GPC5: variants seen among roughly 807,000 people sequenced by gnomAD.
GPC5 encodes glypican 5, also known as glypican-5.
GPC5 carries 47 observed loss-of-function variants against 53.9 expected under a neutral mutation model. That is an observed-to-expected ratio of 0.87 (90% CI 0.69 to 1.11). GPC5 has a LOEUF of 1.11. Ranked by LOEUF, GPC5 falls within the 50% of genes most tolerant of loss-of-function variation. The probability of loss-of-function intolerance (pLI) is 0.00; values close to 1 mark genes in which losing one functional copy is unlikely to be tolerated. For missense variants in GPC5, 748 were observed against 713.1 expected (o/e 1.05, Z -0.56); for synonymous variants, 286 against 263.3 (o/e 1.09, Z -0.84).
intron 7 of GPC5, among the ~76,000 whole-genome samples, chr13:92,646,265 C>T (rs778089758): frequency 2.2e-4 from 33 of 152,062 alleles, no homozygotes; most frequent in Non-Finnish European, 4.9e-4. Context: ...ACTCAAGCAT[C>T]GTTTGTAAAA....
At chr13:91,987,752 A>T (rs1011066967) in intron 6 of GPC5, among the ~76,000 whole-genome samples, 18 of 145,304 alleles carry the variant, frequency 1.2e-4, no homozygotes, top group Non-Finnish European at 2.4e-4. Context: ...TATAGTATTT[A>T]TATTATATTA....
chr13:92,315,610 T>C lies in GPC5; in HGVS notation c.1561+170621T>C, dbSNP rs552394977. On this transcript the variant is annotated intron_variant, in intron 7 of 7. Transcript: ENST00000377067. ...GTCTAGTTTAGTGAAATATGAAAAC[T>C]TAAGGATGAAGGAATAAGGGAAACT... Among the ~76,000 whole-genome samples the C allele has an allele frequency of 2.0e-5, 3 of 152,234 alleles. No individual in the cohort carries two copies. In the South Asian group the frequency reaches 6.2e-4, roughly 32 times the overall value.
In GPC5 at chr13:91,576,265, CA is replaced by C. The variant is rs199891516; in HGVS notation, c.326-116914del. 6.7e-4 allele frequency among the ~76,000 whole-genome samples: 101 copies of C among 149,728 alleles called. 1 individual carries two copies. Among genetic ancestry groups the C allele is most frequent in the African/African-American group, 1.9e-3 (76 of 40,888 alleles). ...GGGTAGATTTTAAGTGTTCTTATCA[CA>C]AAAAAAATGATTAATACATATGTTA... On this transcript the variant is annotated intron_variant, in intron 2 of 7. Coordinates refer to ENST00000377067, the MANE Select transcript of GPC5 (RefSeq NM_004466.6).
chr13:92,537,267 C>G (rs1181566590), intron 7 of GPC5, among the ~76,000 whole-genome samples: 1 of 152,084 alleles, frequency 6.6e-6, no homozygotes, highest in Admixed American at 6.6e-5. Flanking sequence ...GAAAATTTAT[C>G]ATGTCAGAAA....
At chr13:92,242,274 C>T (rs1438833962) in intron 7 of GPC5, among the ~76,000 whole-genome samples, 1 of 151,552 alleles carries the variant, frequency 6.6e-6, no homozygotes, top group Non-Finnish European at 1.5e-5. Context: ...ACCAAGCCCA[C>T]CAAGCCTTCT....
chr13:92,620,840 T>C (rs1884845829), intron 7 of GPC5, among the ~76,000 whole-genome samples: 1 of 152,234 alleles, frequency 6.6e-6, no homozygotes, highest in African/African-American at 2.4e-5. Flanking sequence ...CCCATATCAC[T>C]ATCTTTAAAC....
At chr13:92,408,792 ATAAC>A (rs1363723062) in intron 7 of GPC5, among the ~76,000 whole-genome samples, 2 of 152,168 alleles carry the variant, frequency 1.3e-5, no homozygotes, top group Admixed American at 6.5e-5. Context: ...AAAATAAAGA[ATAAC>A]TAAGGTAGTT....
intron 2 of GPC5, among the ~76,000 whole-genome samples, chr13:91,469,329 G>A (rs971207940): frequency 6.6e-6 from 1 of 152,030 alleles, no homozygotes; most frequent in East Asian, 1.9e-4. Flanking sequence ...GGCTAGTGTC[G>A]AACTTCTGGC....
intron 7 of GPC5, among the ~76,000 whole-genome samples, chr13:92,562,370 G>A (rs1244492813): frequency 2.6e-5 from 4 of 151,972 alleles, no homozygotes; most frequent in Admixed American, 2.6e-4. Flanking sequence ...CAGTCCTTCT[G>A]GTGCCTATTC....
intron 7 of GPC5, among the ~76,000 whole-genome samples, chr13:92,181,081 T>G (rs1385336205): frequency 6.6e-6 from 1 of 152,148 alleles, no homozygotes; most frequent in Non-Finnish European, 1.5e-5. Flanking sequence ...CAAGCCTGCC[T>G]GGTTGTGAGC....
chr13:92,859,448 T>C (rs1879110875), intron 7 of GPC5, among the ~76,000 whole-genome samples: 1 of 152,136 alleles, frequency 6.6e-6, no homozygotes, highest in Admixed American at 6.6e-5. Flanking sequence ...CATTTTTAAA[T>C]TATTTTAATT....
intron 5 of GPC5, among the ~76,000 whole-genome samples, chr13:91,794,908 G>T (rs1451980650): frequency 5.3e-5 from 8 of 152,126 alleles, no homozygotes; most frequent in African/African-American, 1.4e-4. Flanking sequence ...TAATTTAAAG[G>T]TCAGCTACTG....
intron 7 of GPC5, among the ~76,000 whole-genome samples, chr13:92,317,780 C>A (rs2043189468): frequency 6.6e-6 from 1 of 152,160 alleles, no homozygotes; most frequent in Non-Finnish European, 1.5e-5. Context: ...GGATTACAGG[C>A]ATGAGCCACC....
intron 7 of GPC5, among the ~76,000 whole-genome samples, chr13:92,224,747 C>T (rs2042472651): frequency 1.3e-5 from 2 of 152,200 alleles, no homozygotes; most frequent in Admixed American, 1.3e-4. Flanking sequence ...GATAATATTT[C>T]ACACATGTTG....
In GPC5 at chr13:92,850,964, G is replaced by T. The variant is rs12431303; in HGVS notation, c.1562-15318G>T. On this transcript the variant is annotated intron_variant, in intron 7 of 7. Coordinates refer to ENST00000377067, the MANE Select transcript of GPC5 (RefSeq NM_004466.6). ...AATAAAAGAGTTTAAATTGGCTCATGGTTCTTTAGGCTGTACAGGAAGCAT... is the reference window on the plus strand; with the variant it reads ...AATAAAAGAGTTTAAATTGGCTCATTGTTCTTTAGGCTGTACAGGAAGCAT... Among the ~76,000 whole-genome samples the T allele has an allele frequency of 0.025, 3,817 of 152,244 alleles. 382 individuals are homozygous for T. The East Asian group carries it at 0.33, about 13-fold the overall frequency.
At chr13:92,364,159 T>A (rs1037705793) in intron 7 of GPC5, among the ~76,000 whole-genome samples, 1 of 151,786 alleles carries the variant, frequency 6.6e-6, no homozygotes. Flanking sequence ...TGGGTAATAG[T>A]CTGCAAAGAT....
chr13:92,776,663 T>C (rs1875818212), intron 7 of GPC5, among the ~76,000 whole-genome samples: 1 of 152,172 alleles, frequency 6.6e-6, no homozygotes. Flanking sequence ...TTACATAGTA[T>C]TCTTCTAATT....
rs931862224 is a variant in GPC5, at chr13:91,686,490, T to G, written c.326-6697T>G. 2.0e-5 allele frequency among the ~76,000 whole-genome samples: 3 copies of G among 152,134 alleles called. No individual in the cohort carries two copies. In the East Asian group the frequency reaches 5.8e-4, roughly 29 times the overall value. ...TTCCAGAAAACTTTGCACATTTTAC[T>G]TTTTGGAAAAAAATTAGGAAATATG... On this transcript the variant is annotated intron_variant, in intron 2 of 7. Transcript: ENST00000377067.
intron 5 of GPC5, among the ~76,000 whole-genome samples, chr13:91,901,226 C>T (rs1444973098): frequency 6.6e-6 from 1 of 151,958 alleles, no homozygotes; most frequent in African/African-American, 2.4e-5. Context: ...AGTTTAAAAA[C>T]ATAGGTGTCA....
Sources: allele counts gnomAD v4.1 joint callset (sites outside exome capture counted in the v4.1 genomes callset), GRCh38; gene constraint gnomAD v4.1.1; transcripts MANE v1.5; gene names NCBI Gene and HGNC (gene_info 2026-07-23, HGNC 2026-07-21).